Variants in NCAPH2 observed in about 807,000 individuals in gnomAD.
The protein encoded by NCAPH2 is condensin-2 complex subunit H2.
Under a neutral mutation model 88.6 loss-of-function variants are expected in NCAPH2, and 56 were observed. That is an observed-to-expected ratio of 0.63 (90% CI 0.51 to 0.79). The LOEUF (loss-of-function observed/expected upper bound fraction) is 0.79, where lower values mean the gene tolerates loss of function less well. Among genes scored for constraint, NCAPH2 ranks in the 30% least tolerant of loss-of-function variants. The probability of loss-of-function intolerance (pLI) is 0.00; values close to 1 mark genes in which losing one functional copy is unlikely to be tolerated. For missense variants in NCAPH2, 794 were observed against 792.0 expected (o/e 1.00, Z -0.03); for synonymous variants, 378 against 313.6 (o/e 1.21, Z -2.17).
chr22:50,518,934 C>G (rs2069004914), intron 8 of NCAPH2, among the ~76,000 whole-genome samples: 1 of 152,060 alleles, frequency 6.6e-6, no homozygotes, highest in East Asian at 1.9e-4. Context: ...TCACTGACTG[C>G]CCTCTGACTG....
At chr22:50,517,918 G>C in intron 5 of NCAPH2, 55 bp from the exon 6 acceptor site, 1 of 1,603,420 alleles carries the variant, frequency 6.2e-7, no homozygotes. Context: ...TGTGGGTCCT[G>C]TTCTCCACTG....
intron 1 of NCAPH2, among the ~76,000 whole-genome samples, chr22:50,512,968 G>A (rs937296445): frequency 2.6e-5 from 4 of 152,228 alleles, no homozygotes; most frequent in Non-Finnish European, 5.9e-5. Context: ...GCCAAGCAAA[G>A]CAAATGATAA....
At position 50,510,271 on chromosome 22, in the gene NCAPH2, A is replaced by G. The variant is rs1400962898; in HGVS notation, c.108+1826A>G. On this transcript the variant is annotated intron_variant, in intron 1 of 19. Transcript: ENST00000420993. ...GACTTCATATGGCAAGGAAAAGGAG[A>G]AAAAAAAAATCAGAGAGGAGGATCT... is the stretch of plus-strand genomic sequence containing the variant. Among the ~76,000 whole-genome samples the G allele has an allele frequency of 3.4e-5, 5 of 148,638 alleles. No individual in the cohort carries two copies. The South Asian group carries it at 1.1e-3, about 31-fold the overall frequency.
chr22:50,518,612 G>A, intron 7 of NCAPH2, 37 bp from the exon 8 acceptor site: 3 of 1,563,376 alleles, frequency 1.9e-6, no homozygotes, highest in Non-Finnish European at 2.6e-6. Flanking sequence ...CTTGGAGAGG[G>A]GCTGGGCTGA....
chr22:50,523,364 G>C lies in NCAPH2; in HGVS notation c.1807G>C (p.Ala603Pro). The C allele has an allele frequency of 6.5e-7, 1 of 1,548,674 alleles. No homozygotes were observed. The highest frequency in any genetic ancestry group is 8.7e-7 in the Non-Finnish European group (1 of 1,146,334). ...RFQTYAAPSM[A>P]QP Reference sequence around the variant, plus strand: ...CCAGACCTACGCTGCCCCCTCCATGGCCCAGCCCTGAGTGGGGAGCACCGA... The same window carrying C: ...CCAGACCTACGCTGCCCCCTCCATGCCCCAGCCCTGAGTGGGGAGCACCGA... The change falls in exon 20 of 20, where the codon GCC (alanine) becomes CCC (proline). Residue 603 changes from alanine to proline, a missense_variant. Ala to Pro is a conservative substitution (Grantham distance 27, BLOSUM62 -1). Transcript: ENST00000420993.
chr22:50,508,461 GA>G lies in NCAPH2; in HGVS notation c.108+17del. ...TCTGGAGGAGGTAAGGGCGGCGGGGGAGTGACGCGGGGTGGGCCGGCGGGTG... is the reference window on the plus strand; with the variant it reads ...TCTGGAGGAGGTAAGGGCGGCGGGGGGTGACGCGGGGTGGGCCGGCGGGTG... On this transcript the variant is annotated intron_variant, in intron 1 of 19. Transcript: ENST00000420993. 1 of 945,588 alleles carries G rather than the reference GA, an allele frequency of 1.1e-6. No individual in the cohort carries two copies. The highest frequency in any genetic ancestry group is 1.4e-6 in the Non-Finnish European group (1 of 696,508). 58.6% of individuals were successfully genotyped at this position (945,588 alleles called of 1,614,324 possible).
At chr22:50,508,771 G>T (rs1019602436) in intron 1 of NCAPH2, among the ~76,000 whole-genome samples, 1 of 152,226 alleles carries the variant, frequency 6.6e-6, no homozygotes, top group Admixed American at 6.5e-5. Context: ...CAGTTATTGC[G>T]AGCATGCTTG....
rs1368832750 is a variant in NCAPH2, at chr22:50,522,373, G to A, written c.1264G>A (p.Glu422Lys). 30 of 1,608,348 alleles carry A rather than the reference G, an allele frequency of 1.9e-5. No homozygotes were observed. The highest frequency in any genetic ancestry group is 2.5e-5 in the Non-Finnish European group (30 of 1,176,898). Residue 422 changes from glutamate to lysine, a missense_variant, in exon 15 of 20, where the codon GAG becomes AAG. Physicochemically the swap from Glu to Lys is moderately conservative, Grantham distance 56 (BLOSUM62 1). This residue lies in a region of NCAPH2 where 735 missense variants were observed against 696.3 expected (regional missense o/e 1.06). Transcript: ENST00000420993. ...VAEQWLRPAEEDHLEDSLEDL... is the reference protein window; with the variant it reads ...VAEQWLRPAEKDHLEDSLEDL... ...TGAGCAGTGGCTGCGGCCTGCAGAGGAGGACCACCTGGAGGATTCCCTGGA... is the reference window on the plus strand; with the variant it reads ...TGAGCAGTGGCTGCGGCCTGCAGAGAAGGACCACCTGGAGGATTCCCTGGA...
At chr22:50,517,321 TTGG>T in intron 2 of NCAPH2, 103 bp from the exon 3 acceptor site, 1 of 1,134,330 alleles carries the variant, frequency 8.8e-7, no homozygotes, top group Non-Finnish European at 1.3e-6. Flanking sequence ...TACTGGAGGT[TTGG>T]TGGTGGTGGC....
Position 50,524,443 on chromosome 22 carries a change from G to A in NCAPH2, c.*1068G>A, listed in dbSNP as rs1031633147. 5.6e-6 allele frequency: 9 copies of A among 1,606,634 alleles called. No individual in the cohort carries two copies. The highest frequency in any genetic ancestry group is 3.3e-5 in the South Asian group (3 of 90,470). On this transcript the variant is annotated 3_prime_UTR_variant, in exon 20 of 20. Coordinates refer to ENST00000420993, the MANE Select transcript of NCAPH2 (RefSeq NM_152299.4). ...GATGCTCCTGGAAACAAGCACAGGC[G>A]TCAGGAGCCAGAAGGGAAGGCCCAG...
chr22:50,521,501 C>T, intron 10 of NCAPH2, 42 bp from the exon 11 acceptor site: 3 of 1,602,776 alleles, frequency 1.9e-6, no homozygotes, highest in South Asian at 1.1e-5. Context: ...GACGGCTGTG[C>T]ACCCCCTACT....
chr22:50,521,078 G>A, intron 10 of NCAPH2, 42 bp downstream of exon 10: 5 of 1,543,560 alleles, frequency 3.2e-6, no homozygotes, highest in Non-Finnish European at 4.4e-6. Flanking sequence ...GGAGGGATGG[G>A]CGGATTCGAG....
At position 50,524,653 on chromosome 22, in the gene NCAPH2, C is replaced by T. The variant is rs1279596020; in HGVS notation, c.*1278C>T. The T allele has an allele frequency of 2.9e-6, 2 of 696,136 alleles. No individual in the cohort carries two copies. The highest frequency in any genetic ancestry group is 3.5e-5 in the African/African-American group (2 of 56,874). The allele number at this position is 696,136 out of a possible 1,614,324, so 43.1% of individuals were successfully genotyped here. A position where few individuals can be genotyped will look rare whatever the true frequency, so the allele number is the denominator to read the frequency against. ...CCTCTACCTGGGATCACCAGCCTGT[C>T]ACCGCACCCTGCCCTGCACCTGCAC... On this transcript the variant is annotated 3_prime_UTR_variant, in exon 20 of 20. Coordinates refer to ENST00000420993, the MANE Select transcript of NCAPH2 (RefSeq NM_152299.4).
chr22:50,524,351 C>A lies in NCAPH2; in HGVS notation c.*976C>A. On this transcript the variant is annotated 3_prime_UTR_variant, in exon 20 of 20. Coordinates refer to ENST00000420993, the MANE Select transcript of NCAPH2 (RefSeq NM_152299.4). ...TGGCCTCCCAGGGTCCCAGGGAGGA[C>A]CCGAGGCTTGAGCTGAGAGAGCCTG... is the stretch of plus-strand genomic sequence containing the variant. 1 of 1,602,078 alleles carries A rather than the reference C, an allele frequency of 6.2e-7. No homozygotes were observed.
chr22:50,514,134 A>G (rs930271443), intron 1 of NCAPH2, among the ~76,000 whole-genome samples: 1 of 152,138 alleles, frequency 6.6e-6, no homozygotes, highest in Non-Finnish European at 1.5e-5. Flanking sequence ...ACAAAACAGA[A>G]GGTTCCAAGT....
Position 50,522,811 on chromosome 22 carries a change from C to G in NCAPH2, c.1426-10C>G, listed in dbSNP as rs747859297. On this transcript the variant is annotated splice_polypyrimidine_tract_variant and intron_variant, in intron 17 of 19. Transcript: ENST00000420993. ...TTGGGAGGCAGTAGCTCCTGCTGAT[C>G]CTCCCCTAGGAGCTCTTCATCGCCA... The G allele has an allele frequency of 6.2e-7, 1 of 1,612,752 alleles. No homozygotes were observed. The highest frequency in any genetic ancestry group is 8.5e-7 in the Non-Finnish European group (1 of 1,179,542).
chr22:50,522,466 G>A lies in NCAPH2; in HGVS notation c.1307-35G>A, dbSNP rs752178727. The A allele has an allele frequency of 6.8e-5, 109 of 1,613,344 alleles. No individual in the cohort carries two copies. The South Asian group carries it at 1.1e-3, about 17-fold the overall frequency. ...GGGGCTTGGCACCTGCCGACTAGCT[G>A]CCTGCGTGCTGTTCACTCTCCCACC... On this transcript the variant is annotated intron_variant, in intron 15 of 19. Coordinates refer to ENST00000420993, the MANE Select transcript of NCAPH2 (RefSeq NM_152299.4).
At position 50,508,231 on chromosome 22, in the gene NCAPH2, C is replaced by T. The variant is rs1301046446; in HGVS notation, c.-107C>T. The T allele has an allele frequency of 2.3e-6, 2 of 854,690 alleles. No individual in the cohort carries two copies. The highest frequency in any genetic ancestry group is 1.8e-5 in the African/African-American group (1 of 54,464). The allele number at this position is 854,690 out of a possible 1,614,324, so 52.9% of individuals were successfully genotyped here. Reference sequence around the variant, plus strand: ...GCGCGACGCCGCGCCTACGCATTTTCCTGGGCGGGAACAGCAAAATGGCGC... The same window carrying T: ...GCGCGACGCCGCGCCTACGCATTTTTCTGGGCGGGAACAGCAAAATGGCGC... On this transcript the variant is annotated 5_prime_UTR_variant, in exon 1 of 20. Transcript: ENST00000420993.
rs569666866 is a variant in NCAPH2, at chr22:50,524,445, C to T, written c.*1070C>T. 88 of 1,606,972 alleles carry T rather than the reference C, an allele frequency of 5.5e-5. 5 individuals are homozygous for T. The South Asian group carries it at 6.8e-4, about 12-fold the overall frequency. On this transcript the variant is annotated 3_prime_UTR_variant, in exon 20 of 20. Coordinates refer to ENST00000420993, the MANE Select transcript of NCAPH2 (RefSeq NM_152299.4). ...TGCTCCTGGAAACAAGCACAGGCGT[C>T]AGGAGCCAGAAGGGAAGGCCCAGGA... is the stretch of plus-strand genomic sequence containing the variant.
Sources: gnomAD v4.1 joint callset for allele counts (sites outside exome capture counted in the v4.1 genomes callset) on GRCh38, gnomAD v4.1.1 for gene constraint, gnomAD v4.1.1 regional missense constraint, MANE v1.5 for transcripts, NCBI Gene and HGNC (gene_info 2026-07-23, HGNC 2026-07-21) for gene names.